Variants in TMEM178B observed in about 807,000 individuals in gnomAD.
TMEM178B encodes transmembrane protein 178B.
A neutral mutation model predicts 31.0 loss-of-function variants in TMEM178B; 5 were observed. That is an observed-to-expected ratio of 0.16 (90% CI 0.08 to 0.34). TMEM178B has a LOEUF of 0.34. Among genes scored for constraint, TMEM178B ranks in the 10% least tolerant of loss-of-function variants. The probability of loss-of-function intolerance (pLI) is 1.00; values close to 1 mark genes in which losing one functional copy is unlikely to be tolerated. For missense variants in TMEM178B, 275 were observed against 400.3 expected (o/e 0.69, Z 2.67); for synonymous variants, 164 against 164.0 (o/e 1.00, Z 0.00).
At chr7:141,112,185 CAA>C (rs1795244372) in intron 1 of TMEM178B, among the ~76,000 whole-genome samples, 1 of 152,168 alleles carries the variant, frequency 6.6e-6, no homozygotes, top group African/African-American at 2.4e-5. Flanking sequence ...TTATTCACCT[CAA>C]AGTGGTTTAT....
intron 1 of TMEM178B, among the ~76,000 whole-genome samples, chr7:141,189,425 G>A (rs1796662695): frequency 6.6e-6 from 1 of 152,206 alleles, no homozygotes; most frequent in Non-Finnish European, 1.5e-5. Flanking sequence ...CAGAGCAGCA[G>A]GAATGTAAGG....
chr7:141,492,600 T>G, the TMEM178B span, among the ~76,000 whole-genome samples: 2 of 151,934 alleles, frequency 1.3e-5, no homozygotes, highest in African/African-American at 4.8e-5. Flanking sequence ...TAAAGGCGAG[T>G]TTCCGTAACA....
chr7:141,080,637 A>G (rs1794667308), intron 1 of TMEM178B, among the ~76,000 whole-genome samples: 1 of 152,248 alleles, frequency 6.6e-6, no homozygotes, highest in Non-Finnish European at 1.5e-5. Flanking sequence ...ATAGTCATAG[A>G]GTAAAAATAA....
intron 1 of TMEM178B, among the ~76,000 whole-genome samples, chr7:141,118,705 C>G (rs1314839258): frequency 6.6e-6 from 1 of 152,154 alleles, no homozygotes; most frequent in African/African-American, 2.4e-5. Context: ...TATCAATGAT[C>G]AAGAACTCTC....
chr7:141,341,061 C>G (rs556695641), intron 2 of TMEM178B, among the ~76,000 whole-genome samples: 6 of 152,296 alleles, frequency 3.9e-5, no homozygotes, highest in African/African-American at 1.4e-4. Context: ...TGCACCTTCA[C>G]AACAAATCCA....
intron 2 of TMEM178B, among the ~76,000 whole-genome samples, chr7:141,243,150 C>T (rs1319550422): frequency 6.6e-6 from 1 of 152,046 alleles, no homozygotes; most frequent in Admixed American, 6.6e-5. Context: ...TCATGTGACC[C>T]TGGCTTGATT....
intron 1 of TMEM178B, among the ~76,000 whole-genome samples, chr7:141,147,217 G>A (rs777302997): frequency 9.2e-5 from 14 of 151,878 alleles, no homozygotes; most frequent in African/African-American, 2.2e-4. Context: ...CCCTCCCTCC[G>A]TCCCTCCTTC....
intron 1 of TMEM178B, among the ~76,000 whole-genome samples, chr7:141,111,594 T>C (rs549616159): frequency 1.6e-4 from 24 of 152,326 alleles, no homozygotes; most frequent in African/African-American, 5.3e-4. Context: ...GTCCCTTAAA[T>C]ATAGGTGGCT....
At chr7:141,309,122 A>C (rs1411177914) in intron 2 of TMEM178B, among the ~76,000 whole-genome samples, 1 of 152,158 alleles carries the variant, frequency 6.6e-6, no homozygotes, top group African/African-American at 2.4e-5. Context: ...ATACATTTAC[A>C]TTATAAAATA....
chr7:141,403,513 A>G (rs1323803325), intron 2 of TMEM178B, among the ~76,000 whole-genome samples: 2 of 152,172 alleles, frequency 1.3e-5, no homozygotes, highest in Admixed American at 1.3e-4. Context: ...CCCTCACAAG[A>G]CAGGCAAGAG....
rs10570183 is a variant in TMEM178B at position 141,262,474 on chromosome 7, A to AATATATAT, written c.496+49793_496+49800dup. On this transcript the variant is annotated intron_variant, in intron 2 of 3. Coordinates refer to ENST00000565468, the MANE Select transcript of TMEM178B (RefSeq NM_001195278.2). ...AATGGAAAGCTTGATAAATACATAT[A>AATATATAT]ATATATATATATATATATATATATA... Among the ~76,000 whole-genome samples the AATATATAT allele has an allele frequency of 5.3e-3, 702 of 131,754 alleles. 10 individuals carry two copies. Among genetic ancestry groups the AATATATAT allele is most frequent in the African/African-American group, 0.017 (570 of 33,848 alleles). The allele number at this position is 131,754 out of a possible 152,430, so 86.4% of individuals were successfully genotyped here.
At chr7:141,292,967 A>G (rs183266041) in intron 2 of TMEM178B, among the ~76,000 whole-genome samples, 1 of 152,108 alleles carries the variant, frequency 6.6e-6, no homozygotes, top group East Asian at 1.9e-4. Flanking sequence ...TTCTCTGACT[A>G]CTGCTCTGTG....
At chr7:141,358,484 T>A (rs1799861386) in intron 2 of TMEM178B, among the ~76,000 whole-genome samples, 1 of 152,182 alleles carries the variant, frequency 6.6e-6, no homozygotes, top group Non-Finnish European at 1.5e-5. Flanking sequence ...ACCAGCTCTT[T>A]ACATTATGTT....
chr7:141,463,566 G>A (rs1192524463), intron 3 of TMEM178B, among the ~76,000 whole-genome samples: 1 of 152,218 alleles, frequency 6.6e-6, no homozygotes, highest in Non-Finnish European at 1.5e-5. Context: ...CCTTCCCAGT[G>A]GCAGCTCCTG....
At chr7:141,254,709 G>A (rs1230665619) in intron 2 of TMEM178B, among the ~76,000 whole-genome samples, 1 of 152,118 alleles carries the variant, frequency 6.6e-6, no homozygotes, top group Non-Finnish European at 1.5e-5. Flanking sequence ...GGACAAGAGC[G>A]AGACTTCGTC....
At chr7:141,197,141 C>A (rs1684795664) in intron 1 of TMEM178B, among the ~76,000 whole-genome samples, 1 of 152,206 alleles carries the variant, frequency 6.6e-6, no homozygotes, top group Admixed American at 6.5e-5. Context: ...ATAGCTATAA[C>A]AATTATGGAT....
chr7:141,202,143 C>T (rs1796888486), intron 1 of TMEM178B, among the ~76,000 whole-genome samples: 1 of 152,172 alleles, frequency 6.6e-6, no homozygotes, highest in East Asian at 1.9e-4. Context: ...GTACCTAATA[C>T]ACAGAAAGTA....
At chr7:141,393,477 A>G (rs1800581909) in intron 2 of TMEM178B, among the ~76,000 whole-genome samples, 1 of 152,216 alleles carries the variant, frequency 6.6e-6, no homozygotes, top group Non-Finnish European at 1.5e-5. Context: ...GAGGACTTCC[A>G]GGAAAGAAGG....
At chr7:141,218,775 C>G (rs1412608954) in intron 2 of TMEM178B, among the ~76,000 whole-genome samples, 2 of 152,140 alleles carry the variant, frequency 1.3e-5, no homozygotes, top group Non-Finnish European at 2.9e-5. Context: ...ACCCTGGGTC[C>G]TCCCCTCCCC....
Sources: gnomAD v4.1 joint callset for allele counts (sites outside exome capture counted in the v4.1 genomes callset) on GRCh38, gnomAD v4.1.1 for gene constraint, MANE v1.5 for transcripts, NCBI Gene and HGNC (gene_info 2026-07-23, HGNC 2026-07-21) for gene names.